PCDH9: variants seen among roughly 807,000 people sequenced by gnomAD.
The protein encoded by PCDH9 is protocadherin 9, also known as protocadherin-9.
In PCDH9, 24 loss-of-function variants were observed where a neutral mutation model predicts 70.6. That is an observed-to-expected ratio of 0.34 (90% CI 0.25 to 0.48). The LOEUF is 0.48. Among genes scored for constraint, PCDH9 ranks in the 20% least tolerant of loss-of-function variants. The pLI, the probability that PCDH9 is intolerant of heterozygous loss-of-function variation, is 0.99. For missense variants in PCDH9, 1,281 were observed against 1,503.6 expected, an observed-to-expected ratio of 0.85 and a Z score of 2.45; for synonymous variants, 562 against 558.5, an observed-to-expected ratio of 1.01 and a Z score of -0.09.
intron 2 of PCDH9, chr13:67,002,082 A>G (rs2084257135): frequency 6.6e-6 from 1 of 152,212 alleles, no homozygotes; most frequent in African/African-American, 2.4e-5. Context: ...ATTCTCTTGT[A>G]GAATGTCTTT....
At chr13:66,527,890 T>C (rs574423807) in intron 4 of PCDH9, among the ~76,000 whole-genome samples, 1 of 152,006 alleles carries the variant, frequency 6.6e-6, no homozygotes, top group African/African-American at 2.4e-5. Context: ...TGGTTGTACA[T>C]GTCTGTAATC....
chr13:66,921,804 C>A (rs2139644453), intron 2 of PCDH9, among the ~76,000 whole-genome samples: 1 of 151,290 alleles, frequency 6.6e-6, no homozygotes, highest in East Asian at 1.9e-4. Flanking sequence ...GAGAGGTTAG[C>A]AAAACTTCTG....
chr13:67,034,291 G>A (rs375243229), intron 2 of PCDH9, among the ~76,000 whole-genome samples: 5 of 152,050 alleles, frequency 3.3e-5, no homozygotes, highest in South Asian at 2.1e-4. Flanking sequence ...CCAGGATTGC[G>A]TTTTAATATT....
intron 2 of PCDH9, among the ~76,000 whole-genome samples, chr13:67,111,232 C>T (rs987270331): frequency 6.6e-5 from 10 of 152,126 alleles, no homozygotes; most frequent in African/African-American, 1.9e-4. Context: ...AGTACTTAAA[C>T]CTGGTACACA....
At chr13:67,193,817 C>A (rs902982772) in intron 2 of PCDH9, among the ~76,000 whole-genome samples, 2 of 152,026 alleles carry the variant, frequency 1.3e-5, no homozygotes, top group African/African-American at 2.4e-5. Context: ...TGGAAACGAC[C>A]TTTTACTAAT....
chr13:67,039,849 G>A (rs2085078407), intron 2 of PCDH9, among the ~76,000 whole-genome samples: 1 of 152,058 alleles, frequency 6.6e-6, no homozygotes, highest in South Asian at 2.1e-4. Context: ...AACTGTGATT[G>A]GCATCTGAAG....
At chr13:66,838,603 T>G (rs1487166177) in intron 3 of PCDH9, among the ~76,000 whole-genome samples, 4 of 152,032 alleles carry the variant, frequency 2.6e-5, no homozygotes, top group Non-Finnish European at 4.4e-5. Context: ...TAACACAATT[T>G]TTCATGCTAG....
chr13:66,918,578 C>T lies in PCDH9; in HGVS notation c.3037-14973G>A, dbSNP rs114992340. Among the ~76,000 whole-genome samples the T allele has an allele frequency of 3.5e-3, 532 of 151,162 alleles. 3 individuals are homozygous for T. The highest frequency in any genetic ancestry group is 0.012 in the African/African-American group (504 of 41,380). On this transcript the variant is annotated intron_variant, in intron 2 of 4. Coordinates refer to ENST00000377865, the MANE Select transcript of PCDH9 (RefSeq NM_203487.3). ...AATGTATCTTAATTTACCATTTTAA[C>T]AGCTTTTATAATCATGGTAGCAATA...
chr13:66,945,818 T>C (rs960074272), intron 2 of PCDH9, among the ~76,000 whole-genome samples: 6 of 152,160 alleles, frequency 3.9e-5, no homozygotes, highest in African/African-American at 1.2e-4. Context: ...TTCTTGTATG[T>C]GTTTTACAGT....
At chr13:66,574,063 A>G (rs1485575300) in intron 4 of PCDH9, among the ~76,000 whole-genome samples, 1 of 152,204 alleles carries the variant, frequency 6.6e-6, no homozygotes, top group Non-Finnish European at 1.5e-5. Flanking sequence ...CAATAAATTC[A>G]GTTTTCTGCT....
intron 2 of PCDH9, among the ~76,000 whole-genome samples, chr13:66,975,074 C>T (rs2083591138): frequency 6.6e-6 from 1 of 151,882 alleles, no homozygotes; most frequent in African/African-American, 2.4e-5. Context: ...GGGTTTAAAG[C>T]TTCCATTAAA....
chr13:66,350,386 GCAAA>G (rs1956275626), intron 4 of PCDH9, among the ~76,000 whole-genome samples: 1 of 152,070 alleles, frequency 6.6e-6, no homozygotes, highest in African/African-American at 2.4e-5. Flanking sequence ...TTGACTTGGA[GCAAA>G]CACTCTCTTG....
chr13:67,070,057 A>G (rs1294045513), intron 2 of PCDH9, among the ~76,000 whole-genome samples: 6 of 150,362 alleles, frequency 4.0e-5, no homozygotes, highest in Admixed American at 1.3e-4. Context: ...AGGTTAAAGT[A>G]TTACATTATT....
chr13:67,142,071 A>G (rs1317896194), intron 2 of PCDH9, among the ~76,000 whole-genome samples: 1 of 152,178 alleles, frequency 6.6e-6, no homozygotes, highest in Non-Finnish European at 1.5e-5. Context: ...GTTACCATCA[A>G]AAGAAAAAAA....
At chr13:66,311,569 A>G (rs927029712) in intron 4 of PCDH9, among the ~76,000 whole-genome samples, 2 of 152,100 alleles carry the variant, frequency 1.3e-5, no homozygotes, top group African/African-American at 4.8e-5. Flanking sequence ...TTTATTGAAC[A>G]GTTGCTATTA....
chr13:66,633,621 T>C (rs2077600213), intron 3 of PCDH9, among the ~76,000 whole-genome samples: 1 of 152,162 alleles, frequency 6.6e-6, no homozygotes, highest in Admixed American at 6.5e-5. Flanking sequence ...AATGTGTCTT[T>C]GGTATTATCT....
Position 66,526,070 on chromosome 13 carries a change from G to T in PCDH9, c.3340+105140C>A, listed in dbSNP as rs2138621229. 2.0e-5 allele frequency among the ~76,000 whole-genome samples: 3 copies of T among 152,174 alleles called. No homozygotes were observed. The East Asian group carries it at 5.8e-4, about 29-fold the overall frequency. On this transcript the variant is annotated intron_variant, in intron 4 of 4. Coordinates refer to ENST00000377865, the MANE Select transcript of PCDH9 (RefSeq NM_203487.3). ...TCTCATTCCTTGCTACATTCTTAGG[G>T]ATGAGTTCCGGGTTTGGACATGACT...
chr13:66,969,843 A>T (rs2083489558), intron 2 of PCDH9, among the ~76,000 whole-genome samples: 1 of 152,026 alleles, frequency 6.6e-6, no homozygotes, highest in Non-Finnish European at 1.5e-5. Context: ...TACACTCTCG[A>T]AGCACAATTA....
intron 3 of PCDH9, chr13:66,876,925 G>A (rs2081822587): frequency 6.6e-6 from 1 of 151,820 alleles, no homozygotes; most frequent in African/African-American, 2.4e-5. Context: ...ATACGGTAAG[G>A]GTTTTACAAT....
Sources: allele counts gnomAD v4.1 joint callset (sites outside exome capture counted in the v4.1 genomes callset), GRCh38; gene constraint gnomAD v4.1.1; transcripts MANE v1.5; gene names NCBI Gene and HGNC (gene_info 2026-07-23, HGNC 2026-07-21).